GRIP2: variants seen among roughly 807,000 people sequenced by gnomAD.
The protein encoded by GRIP2 is glutamate receptor-interacting protein 2.
In GRIP2, 58 loss-of-function variants were observed where a neutral mutation model predicts 108.3. That is an observed-to-expected ratio of 0.54 (90% CI 0.43 to 0.67). GRIP2 has a LOEUF of 0.67. Among genes scored for constraint, GRIP2 ranks in the 30% least tolerant of loss-of-function variants. The probability of loss-of-function intolerance (pLI) is 0.00; values close to 1 mark genes in which losing one functional copy is unlikely to be tolerated. For missense variants in GRIP2, 1,278 were observed against 1,430.6 expected, an observed-to-expected ratio of 0.89 and a Z score of 1.72; for synonymous variants, 586 against 598.2, an observed-to-expected ratio of 0.98 and a Z score of 0.30.
upstream of GRIP2, among the ~76,000 whole-genome samples, chr3:14,543,619 A>G (rs866526447): frequency 6.6e-6 from 1 of 152,270 alleles, no homozygotes; most frequent in Non-Finnish European, 1.5e-5. Flanking sequence ...GAAAAGGGGA[A>G]CAGATTGCCT....
Position 14,490,967 on chromosome 3 carries a change from T to G in GRIP2, c.*2698A>C, listed in dbSNP as rs974421896. 12 of 152,262 alleles carry G rather than the reference T, an allele frequency of 7.9e-5. No homozygotes were observed. The highest frequency in any genetic ancestry group is 6.5e-5 in the Admixed American group (1 of 15,290). 9.4% of individuals were successfully genotyped at this position (152,262 alleles called of 1,614,324 possible). A position where few individuals can be genotyped will look rare whatever the true frequency, so the allele number is the denominator to read the frequency against. ...AATAATTATTTATTTGCTTACTTGT[T>G]GATTGTCTGCCTGCCACCAGAATGT... On this transcript the variant is annotated 3_prime_UTR_variant, in exon 24 of 24. Transcript: ENST00000621039.
rs752272075 is a variant in GRIP2, at chr3:14,512,797, T to G, written c.1700A>C (p.Glu567Ala). The G allele has an allele frequency of 6.2e-7, 1 of 1,613,580 alleles. No individual in the cohort carries two copies. Among genetic ancestry groups the G allele is most frequent in the Non-Finnish European group, 8.5e-7 (1 of 1,179,840 alleles). ...CTCACAGCTGATGGTGATGCCCAGCTCCACGCTGCGCTTCTTGGGCAGCTT... is the reference window on the plus strand; with the variant it reads ...CTCACAGCTGATGGTGATGCCCAGCGCCACGCTGCGCTTCTTGGGCAGCTT... ...HVKLPKKRSV[E>A]LGITISSASR... The change falls in exon 14 of 24, where the codon GAG becomes GCG. Residue 567 changes from glutamate (E) to alanine (A), a missense_variant. Coordinates refer to ENST00000621039, the MANE Select transcript of GRIP2 (RefSeq NM_001080423.4). The surrounding 1 kb of genome is among the most constrained non-coding windows in gnomAD (Gnocchi z 5.1).
Position 14,523,000 on chromosome 3 carries a change from C to G in GRIP2, c.566G>C (p.Arg189Thr). Reference protein sequence around the residue: ...TYVRPGGPADREGSLKVGDRL... With the variant: ...TYVRPGGPADTEGSLKVGDRL... ...GTGGATTTCTTCTGCCTCGGCTCAC[C>G]TGTCGGCAGGGCCACCGGGCCGCAC... Residue 189 changes from arginine to threonine, a missense_variant and splice_region_variant, in exon 6 of 24, where the codon AGG (arginine) becomes ACG (threonine). Arg to Thr is a moderately conservative substitution (Grantham distance 71). Coordinates refer to ENST00000621039, the MANE Select transcript of GRIP2 (RefSeq NM_001080423.4). The surrounding 1 kb of genome is among the most constrained non-coding windows in gnomAD (Gnocchi z 4.3). 6.2e-7 allele frequency: 1 copy of G among 1,613,676 alleles called. No individual in the cohort carries two copies.
intron 1 of GRIP2, among the ~76,000 whole-genome samples, chr3:14,549,956 C>G (rs905533460): frequency 1.3e-5 from 2 of 152,314 alleles, no homozygotes; most frequent in East Asian, 1.9e-4. Flanking sequence ...ACGGTGGACC[C>G]TCAGGCAGGG....
chr3:14,566,513 C>T, the GRIP2 span, among the ~76,000 whole-genome samples: 1 of 152,234 alleles, frequency 6.6e-6, no homozygotes, highest in Non-Finnish European at 1.5e-5. Flanking sequence ...CAGAGAATGC[C>T]AGAACTACAG....
the GRIP2 span, among the ~76,000 whole-genome samples, chr3:14,594,969 T>G: frequency 2.6e-5 from 4 of 152,210 alleles, no homozygotes. Context: ...CAATCACAGT[T>G]CACTGCAGCC....
the GRIP2 span, chr3:14,574,655 A>T: frequency 1.5e-6 from 1 of 654,302 alleles, no homozygotes; most frequent in Non-Finnish European, 2.9e-6. Context: ...CATCAGGGAA[A>T]TTCGTGTTTT....
intron 20 of GRIP2, among the ~76,000 whole-genome samples, chr3:14,504,318 T>G (rs1260781642): frequency 2.0e-5 from 3 of 149,960 alleles, no homozygotes; most frequent in South Asian, 2.2e-4. Context: ...TGTTTTTTTT[T>G]TTTTTTTTTT....
At chr3:14,542,716 C>T (rs1694997812), upstream of GRIP2, among the ~76,000 whole-genome samples, 1 of 152,184 alleles carries the variant, frequency 6.6e-6, no homozygotes, top group Non-Finnish European at 1.5e-5. Flanking sequence ...CAGCATCTCC[C>T]CTTTGCCCTC....
the GRIP2 span, among the ~76,000 whole-genome samples, chr3:14,602,446 C>T: frequency 1.3e-5 from 2 of 152,028 alleles, no homozygotes; most frequent in African/African-American, 4.8e-5. This position sits in a 1 kb window ranked among gnomAD's most constrained non-coding sequence, Gnocchi z 4.7. Flanking sequence ...AAGTTGGGTG[C>T]GACGGACCGC....
chr3:14,587,711 G>A, the GRIP2 span, among the ~76,000 whole-genome samples: 1 of 151,444 alleles, frequency 6.6e-6, no homozygotes, highest in African/African-American at 2.4e-5. Flanking sequence ...TCTGCAAAAT[G>A]AAGTTAACTG....
In GRIP2 at chr3:14,517,820, A is replaced by G; in HGVS notation, c.1108T>C (p.Cys370Arg). 6.2e-7 allele frequency: 1 copy of G among 1,606,676 alleles called. No individual in the cohort carries two copies. The highest frequency in any genetic ancestry group is 1.1e-5 in the South Asian group (1 of 89,500). ...PSCHSPRPGH[C>R]RMPTWATPAG... ...GGTGTGGCCCAGGTGGGCATCCTGC[A>G]GTGGCCGGGCCGGGGGCTGTGGCAG... is the stretch of plus-strand genomic sequence containing the variant. The change falls in exon 10 of 24, where the codon TGC (cysteine) becomes CGC (arginine). Residue 370 changes from cysteine to arginine, a missense_variant. By Grantham distance (180) the Cys-to-Arg change is radical. Transcript: ENST00000621039.
chr3:14,574,779 A>G, the GRIP2 span: 1 of 379,418 alleles, frequency 2.6e-6, no homozygotes, highest in Non-Finnish European at 5.0e-6. Flanking sequence ...CATCTTGGCC[A>G]CCAACTCTCG....
chr3:14,582,467 T>A, the GRIP2 span, among the ~76,000 whole-genome samples: 1 of 152,216 alleles, frequency 6.6e-6, no homozygotes, highest in Admixed American at 6.5e-5. Context: ...CAAGTCTTTC[T>A]AGCTTGGATG....
At chr3:14,517,010 C>T in intron 11 of GRIP2, 54 bp downstream of exon 11, 1 of 1,427,396 alleles carries the variant, frequency 7.0e-7, no homozygotes, top group Non-Finnish European at 9.2e-7. Flanking sequence ...TTTGGCAAGC[C>T]TCACTCTCAG....
chr3:14,558,224 G>A (rs557797209), upstream of GRIP2, among the ~76,000 whole-genome samples: 14 of 152,322 alleles, frequency 9.2e-5, no homozygotes, highest in African/African-American at 2.9e-4. Context: ...GCATGCATGC[G>A]GCAAAACAGG....
intron 22 of GRIP2, among the ~76,000 whole-genome samples, 151 bp from the exon 23 acceptor site, chr3:14,495,140 C>T (rs537625810): frequency 6.8e-6 from 1 of 147,720 alleles, no homozygotes; most frequent in South Asian, 2.2e-4. Context: ...CCTGGGCCTT[C>T]AGCCACCCCC....
At chr3:14,510,886 C>A (rs573553008) in intron 16 of GRIP2, among the ~76,000 whole-genome samples, 4 of 152,320 alleles carry the variant, frequency 2.6e-5, no homozygotes, top group African/African-American at 9.6e-5. Flanking sequence ...CCAGCTGCAC[C>A]CAGTAGGTCT....
chr3:14,523,012 C>T lies in GRIP2; in HGVS notation c.554G>A (p.Gly185Asp). The change falls in exon 6 of 24, where the codon GGC (glycine) becomes GAC (aspartate). Residue 185 changes from glycine to aspartate, a missense_variant. Coordinates refer to ENST00000621039, the MANE Select transcript of GRIP2 (RefSeq NM_001080423.4). ...TGCCTCGGCTCACCTGTCGGCAGGGCCACCGGGCCGCACGTAGGTCAGGAC... is the reference window on the plus strand; with the variant it reads ...TGCCTCGGCTCACCTGTCGGCAGGGTCACCGGGCCGCACGTAGGTCAGGAC... ...PLVLTYVRPGGPADREGSLKV... is the reference protein window; with the variant it reads ...PLVLTYVRPGDPADREGSLKV... 1 of 1,613,694 alleles carries T rather than the reference C, an allele frequency of 6.2e-7. No individual in the cohort carries two copies. The highest frequency in any genetic ancestry group is 8.5e-7 in the Non-Finnish European group (1 of 1,179,752).
Sources: gnomAD v4.1 joint callset for allele counts (sites outside exome capture counted in the v4.1 genomes callset) on GRCh38, gnomAD v4.1.1 for gene constraint, Gnocchi (gnomAD v3.1) non-coding constraint, MANE v1.5 for transcripts, NCBI Gene and HGNC (gene_info 2026-07-23, HGNC 2026-07-21) for gene names.